Variants in LRMDA observed in about 807,000 individuals in gnomAD.
LRMDA encodes leucine rich melanocyte differentiation associated.
A neutral mutation model predicts 29.8 loss-of-function variants in LRMDA; 18 were observed. The ratio of observed to expected loss-of-function variants is 0.60; its 90% CI spans 0.42 to 0.90. The LOEUF (loss-of-function observed/expected upper bound fraction) is 0.90. LRMDA is among the 40% of genes least tolerant of loss of function. The pLI, the probability that LRMDA is intolerant of heterozygous loss-of-function variation, is 0.00. For missense variants in LRMDA, 273 were observed against 273.9 expected, an observed-to-expected ratio of 1.00 and a Z score of 0.02; for synonymous variants, 125 against 109.4, an observed-to-expected ratio of 1.14 and a Z score of -0.89.
At chr10:76,117,381 G>T (rs942377239) in intron 5 of LRMDA, among the ~76,000 whole-genome samples, 1 of 152,088 alleles carries the variant, frequency 6.6e-6, no homozygotes, top group Non-Finnish European at 1.5e-5. Context: ...TCTTCTTGTT[G>T]TGGGACAAAC....
At chr10:76,471,749 AC>A (rs1842619607) in intron 6 of LRMDA, among the ~76,000 whole-genome samples, 2 of 151,760 alleles carry the variant, frequency 1.3e-5, no homozygotes, top group Non-Finnish European at 3.0e-5. Context: ...GCAAACAACA[AC>A]AATAAGAAAA....
intron 2 of LRMDA, among the ~76,000 whole-genome samples, chr10:75,937,243 GA>G (rs1302044091): frequency 6.6e-6 from 1 of 152,166 alleles, no homozygotes; most frequent in Non-Finnish European, 1.5e-5. Flanking sequence ...TTATTTATGT[GA>G]AATCATGTGC....
chr10:75,483,867 G>GTTTTCTT, intron 2 of LRMDA, among the ~76,000 whole-genome samples: 1 of 119,150 alleles, frequency 8.4e-6, no homozygotes. Context: ...GTATGGAGAG[G>GTTTTCTT]TTTTTTTTTT....
intron 2 of LRMDA, among the ~76,000 whole-genome samples, chr10:75,547,769 T>G (rs1355715567): frequency 6.6e-6 from 1 of 152,190 alleles, no homozygotes; most frequent in Admixed American, 6.5e-5. Flanking sequence ...TTAACTTTCT[T>G]GGAGTTTCAG....
chr10:76,162,112 T>C (rs145001274), intron 5 of LRMDA, among the ~76,000 whole-genome samples: 2 of 152,338 alleles, frequency 1.3e-5, no homozygotes, highest in Non-Finnish European at 2.9e-5. Context: ...CCTGCAAGTG[T>C]TATTTGCATG....
chr10:75,689,754 A>G (rs180697539), intron 2 of LRMDA, among the ~76,000 whole-genome samples: 1 of 152,286 alleles, frequency 6.6e-6, no homozygotes, highest in African/African-American at 2.4e-5. Flanking sequence ...ATCTCTCCCA[A>G]GACGAGAGGT....
At chr10:75,628,514 T>C (rs1340285488) in intron 2 of LRMDA, among the ~76,000 whole-genome samples, 1 of 152,228 alleles carries the variant, frequency 6.6e-6, no homozygotes, top group African/African-American at 2.4e-5. Context: ...GAGGATCAAA[T>C]GTACTTCACA....
rs1174186192 is a variant in LRMDA, at chr10:75,631,720, G to C, written c.131+193226G>C. 2.0e-5 allele frequency among the ~76,000 whole-genome samples: 3 copies of C among 152,220 alleles called. No homozygotes were observed. In the East Asian group the frequency reaches 5.8e-4, roughly 29 times the overall value. ...CGCCACAGTGAAGTGGGCCTTCTTT[G>C]ACTCGAAGTGACAGCTCTTGGCCCC... On this transcript the variant is annotated intron_variant, in intron 2 of 6. Transcript: ENST00000611255.
intron 5 of LRMDA, among the ~76,000 whole-genome samples, chr10:76,084,364 ATTTTTTTTTTTTTTT>A (rs71024586): frequency 1.4e-5 from 1 of 70,904 alleles, no homozygotes; most frequent in East Asian, 3.7e-4. Flanking sequence ...CGCCCAGCTA[ATTTTTTTTTTTTTTT>A]TTTTTTTTTT....
At chr10:75,929,235 C>T (rs1846169915) in intron 2 of LRMDA, among the ~76,000 whole-genome samples, 1 of 152,042 alleles carries the variant, frequency 6.6e-6, no homozygotes, top group South Asian at 2.1e-4. Context: ...TGGATGGATG[C>T]AGGCTTGTGT....
rs73292524 is a variant in LRMDA at position 76,420,368 on chromosome 10, A to T, written c.601+95883A>T. Among the ~76,000 whole-genome samples the T allele has an allele frequency of 4.0e-5, 6 of 151,894 alleles. No individual in the cohort carries two copies. The East Asian group carries it at 5.8e-4, about 15-fold the overall frequency. Reference sequence around the variant, plus strand: ...GTATCCTTTTATCTATTTTTCAGGTACTATATTGATACTCCCCATTTCTTT... The same window carrying T: ...GTATCCTTTTATCTATTTTTCAGGTTCTATATTGATACTCCCCATTTCTTT... On this transcript the variant is annotated intron_variant, in intron 6 of 6. Coordinates refer to ENST00000611255, the MANE Select transcript of LRMDA (RefSeq NM_001305581.2).
At chr10:75,660,811 A>G (rs1000810323) in intron 2 of LRMDA, among the ~76,000 whole-genome samples, 2 of 151,988 alleles carry the variant, frequency 1.3e-5, no homozygotes, top group African/African-American at 4.8e-5. Context: ...TTTAGGAAAG[A>G]AAAAAACCCT....
chr10:76,246,615 C>A (rs1268315844), intron 5 of LRMDA, among the ~76,000 whole-genome samples: 1 of 152,176 alleles, frequency 6.6e-6, no homozygotes, highest in Non-Finnish European at 1.5e-5. Flanking sequence ...TTAGGTCCTG[C>A]AACCTTTCTT....
At chr10:76,384,000 CT>C (rs1156847518) in intron 6 of LRMDA, among the ~76,000 whole-genome samples, 1 of 152,020 alleles carries the variant, frequency 6.6e-6, no homozygotes, top group East Asian at 1.9e-4. Context: ...CTCCAGCCCT[CT>C]TTCTCTCTCT....
intron 5 of LRMDA, among the ~76,000 whole-genome samples, chr10:76,102,183 C>T (rs941241125): frequency 3.9e-5 from 6 of 152,110 alleles, no homozygotes; most frequent in South Asian, 2.1e-4. Flanking sequence ...CTTTGATGGA[C>T]GTTTGGGTGT....
intron 2 of LRMDA, among the ~76,000 whole-genome samples, chr10:75,671,642 G>T (rs779896580): frequency 1.3e-5 from 2 of 152,108 alleles, no homozygotes; most frequent in East Asian, 1.9e-4. Context: ...GTCGTGGGGT[G>T]GGGGAGCTCA....
chr10:75,822,677 T>C (rs1282585253), intron 2 of LRMDA, among the ~76,000 whole-genome samples: 2 of 152,082 alleles, frequency 1.3e-5, no homozygotes, highest in Non-Finnish European at 2.9e-5. Context: ...CAACTGATCT[T>C]TGACAAAGTT....
rs1843605106 is a variant in LRMDA, at chr10:76,560,147, G to A, written c.*2859G>A. The A allele has an allele frequency of 1.3e-5, 2 of 151,966 alleles. No individual in the cohort carries two copies. The highest frequency in any genetic ancestry group is 1.3e-4 in the Admixed American group (2 of 15,252). 9.4% of individuals were successfully genotyped at this position (151,966 alleles called of 1,614,324 possible). On this transcript the variant is annotated 3_prime_UTR_variant, in exon 7 of 7. Coordinates refer to ENST00000611255, the MANE Select transcript of LRMDA (RefSeq NM_001305581.2). ...TTTTCACATACTCATGTATACTAAG[G>A]AATAAAAGAAAGCAAACCACAGATT...
chr10:75,587,078 G>T (rs1162353510), intron 2 of LRMDA, among the ~76,000 whole-genome samples: 1 of 151,966 alleles, frequency 6.6e-6, no homozygotes, highest in African/African-American at 2.4e-5. Context: ...CCTTTCCTCG[G>T]TGTTTTCTTC....
Sources: allele counts gnomAD v4.1 joint callset (sites outside exome capture counted in the v4.1 genomes callset), GRCh38; gene constraint gnomAD v4.1.1; transcripts MANE v1.5; gene names NCBI Gene and HGNC (gene_info 2026-07-23, HGNC 2026-07-21).